Variants in SFI1 observed in about 807,000 individuals in gnomAD.
SFI1 encodes the protein protein SFI1 homolog.
In SFI1, 195 loss-of-function variants were observed where a neutral mutation model predicts 207.5. That is an observed-to-expected ratio of 0.94 (90% CI 0.84 to 1.06). The LOEUF is 1.06. Among genes scored for constraint, SFI1 ranks in the 50% least tolerant of loss-of-function variants. The pLI is 0.00. For missense variants in SFI1, 1,634 were observed against 1,588.0 expected, an observed-to-expected ratio of 1.03 and a Z score of -0.49; for synonymous variants, 630 against 598.9, an observed-to-expected ratio of 1.05 and a Z score of -0.76.
intron 6 of SFI1, among the ~76,000 whole-genome samples, chr22:31,553,838 GTTT>G (rs58333559): frequency 4.7e-3 from 124 of 26,202 alleles, no homozygotes; most frequent in Non-Finnish European, 5.7e-3. Flanking sequence ...AATGGATTAT[GTTT>G]TTTTTTTTTT....
At chr22:31,498,546 G>C (rs565845176) in intron 1 of SFI1, among the ~76,000 whole-genome samples, 1 of 151,520 alleles carries the variant, frequency 6.6e-6, no homozygotes, top group Non-Finnish European at 1.5e-5. Flanking sequence ...AGTTACTCAG[G>C]AGGCTGAGGC....
At chr22:31,544,845 A>G (rs1411643798) in intron 4 of SFI1, among the ~76,000 whole-genome samples, 4 of 152,198 alleles carry the variant, frequency 2.6e-5, no homozygotes, top group African/African-American at 7.2e-5. Context: ...TAGTTTAAGT[A>G]GCTCTGAGAT....
chr22:31,607,795 G>T, intron 21 of SFI1, 142 bp from the exon 22 acceptor site: 1 of 638,712 alleles, frequency 1.6e-6, no homozygotes. Flanking sequence ...TGCGTGCAAG[G>T]CAGTTACTTC....
At chr22:31,565,473 G>A (rs929165310) in intron 8 of SFI1, among the ~76,000 whole-genome samples, 4 of 149,384 alleles carry the variant, frequency 2.7e-5, no homozygotes, top group Non-Finnish European at 5.9e-5. Context: ...AAAATAAGAG[G>A]ATCACTTGAG....
chr22:31,496,315 TAAAG>T (rs1395606257), upstream of SFI1: 3 of 152,356 alleles, frequency 2.0e-5, no homozygotes, highest in African/African-American at 4.8e-5. Flanking sequence ...GCCAAGGAGA[TAAAG>T]AACCCTCGGT....
intron 9 of SFI1, among the ~76,000 whole-genome samples, chr22:31,573,762 T>A (rs150621131): frequency 2.6e-5 from 4 of 152,340 alleles, no homozygotes; most frequent in African/African-American, 9.6e-5. Flanking sequence ...TTTATCTAAA[T>A]AGGGTTTTCA....
intron 27 of SFI1, 136 bp downstream of exon 27, chr22:31,613,991 C>A: frequency 8.4e-7 from 1 of 1,196,186 alleles, no homozygotes; most frequent in Non-Finnish European, 1.1e-6. Context: ...GCTGGGAACC[C>A]CCTCTTCTCC....
intron 21 of SFI1, 159 bp from the exon 22 acceptor site, chr22:31,607,778 A>T: frequency 1.7e-6 from 1 of 586,148 alleles, no homozygotes; most frequent in Non-Finnish European, 3.1e-6. Context: ...CCTATTGCTC[A>T]GTGGTCTGCG....
intron 13 of SFI1, 130 bp from the exon 14 acceptor site, chr22:31,584,938 C>CT (rs1451168731): frequency 5.1e-6 from 3 of 591,102 alleles, no homozygotes; most frequent in Non-Finnish European, 8.7e-6. Flanking sequence ...ATTGCCGTCT[C>CT]TCCTAGAATG....
In SFI1 at chr22:31,618,558, C is replaced by T. The variant is rs1288122074; in HGVS notation, c.*140C>T. On this transcript the variant is annotated 3_prime_UTR_variant, in exon 33 of 33. Coordinates refer to ENST00000400288, the MANE Select transcript of SFI1 (RefSeq NM_001007467.3). ...AATGAATTACTGTTCAGAAGTCTCC[C>T]ACTTTTCATACAAAAATACTGTGCT... 1 of 844,100 alleles carries T rather than the reference C, an allele frequency of 1.2e-6. No individual in the cohort carries two copies. The highest frequency in any genetic ancestry group is 1.7e-6 in the Non-Finnish European group (1 of 593,046). The allele number at this position is 844,100 out of a possible 1,614,324, so 52.3% of individuals were successfully genotyped here.
intron 7 of SFI1, 152 bp downstream of exon 7, chr22:31,557,211 C>T: frequency 3.6e-6 from 2 of 559,028 alleles, no homozygotes; most frequent in Non-Finnish European, 6.2e-6. Flanking sequence ...TAGGGTCTTA[C>T]TCTGTCACCC....
At chr22:31,496,848 C>T (rs1022113300) in intron 1 of SFI1, among the ~76,000 whole-genome samples, 2 of 152,168 alleles carry the variant, frequency 1.3e-5, no homozygotes, top group Non-Finnish European at 2.9e-5. Context: ...AGGACGGGGC[C>T]CGGAGCCTGC....
At chr22:31,575,115 TG>T in intron 9 of SFI1, 115 bp from the exon 10 acceptor site, 1 of 582,648 alleles carries the variant, frequency 1.7e-6, no homozygotes, top group Non-Finnish European at 2.8e-6. Context: ...TGTGTGTGTG[TG>T]TGTGTGGCCT....
At chr22:31,513,605 T>C (rs1304071209) in intron 2 of SFI1, among the ~76,000 whole-genome samples, 2 of 150,442 alleles carry the variant, frequency 1.3e-5, no homozygotes, top group Non-Finnish European at 3.0e-5. Flanking sequence ...TTAGACAGAG[T>C]CTTGCTCTGT....
At chr22:31,580,675 T>G (rs1007148654) in intron 12 of SFI1, among the ~76,000 whole-genome samples, 1 of 151,826 alleles carries the variant, frequency 6.6e-6, no homozygotes, top group Non-Finnish European at 1.5e-5. Flanking sequence ...CTTGAGTAGC[T>G]GGGATTACAG....
In SFI1 at chr22:31,542,542, C is replaced by T. The variant is rs544969994; in HGVS notation, c.339-4319C>T. On this transcript the variant is annotated intron_variant, in intron 4 of 32. Coordinates refer to ENST00000400288, the MANE Select transcript of SFI1 (RefSeq NM_001007467.3). ...ACATGGGAGGCTTAGGAAGGAGAAC[C>T]GCTTGAACCCGGGAGGCGGAGGTTG... 5.3e-5 allele frequency among the ~76,000 whole-genome samples: 8 copies of T among 151,742 alleles called. No homozygotes were observed. In the South Asian group the frequency reaches 1.0e-3, roughly 20 times the overall value.
intron 10 of SFI1, among the ~76,000 whole-genome samples, chr22:31,577,473 T>G (rs2063648716): frequency 1.3e-5 from 2 of 152,072 alleles, no homozygotes; most frequent in South Asian, 4.1e-4. Flanking sequence ...ACAGGCGCAA[T>G]GGTAGCTCAC....
At chr22:31,565,871 G>T (rs1356825808) in intron 8 of SFI1, among the ~76,000 whole-genome samples, 1 of 152,014 alleles carries the variant, frequency 6.6e-6, no homozygotes, top group Non-Finnish European at 1.5e-5. Flanking sequence ...GTCTTTCTCT[G>T]TTGCCCAGGC....
At chr22:31,527,961 A>G (rs60640054) in intron 2 of SFI1, among the ~76,000 whole-genome samples, 1,601 of 152,096 alleles carry the variant, frequency 0.011, 27 homozygotes, top group African/African-American at 0.037. Flanking sequence ...TAAAAATACA[A>G]AACTTAGCTG....
Sources: gnomAD v4.1 joint callset for allele counts (sites outside exome capture counted in the v4.1 genomes callset) on GRCh38, gnomAD v4.1.1 for gene constraint, MANE v1.5 for transcripts, NCBI Gene and HGNC (gene_info 2026-07-23, HGNC 2026-07-21) for gene names.